CSMD1: variants seen among roughly 807,000 people sequenced by gnomAD.
The protein encoded by CSMD1 is CUB and sushi domain-containing protein 1.
Under a neutral mutation model 417.5 loss-of-function variants are expected in CSMD1, and 213 were observed. That is an observed-to-expected ratio of 0.51 (90% confidence interval 0.46 to 0.57). The LOEUF is 0.57. Among genes scored for constraint, CSMD1 ranks in the 20% least tolerant of loss-of-function variants. The pLI, the probability that CSMD1 is intolerant of heterozygous loss-of-function variation, is 0.00. For synonymous variants in CSMD1, 2,862 were observed against 1,736.8 expected, an observed-to-expected ratio of 1.65 and a Z score of -16.11; for missense variants, 6,923 against 4,529.7, an observed-to-expected ratio of 1.53 and a Z score of -15.17.
In CSMD1 at chr8:3,196,745, G is replaced by A. The variant is rs559200392; in HGVS notation, c.5194+2969C>T. ...ATAATCACTGAAACTTGTTGGTAATGCAGGTCACTCATCTCAGTCTCCATA... is the reference window on the plus strand; with the variant it reads ...ATAATCACTGAAACTTGTTGGTAATACAGGTCACTCATCTCAGTCTCCATA... On this transcript the variant is annotated intron_variant, in intron 33 of 69. Coordinates refer to ENST00000635120, the MANE Select transcript of CSMD1 (RefSeq NM_033225.6). Among the ~76,000 whole-genome samples the A allele has an allele frequency of 1.6e-3, 246 of 152,310 alleles. 2 individuals carry two copies. The highest frequency in any genetic ancestry group is 5.6e-3 in the African/African-American group (232 of 41,570).
chr8:4,746,055 A>AC (rs1458039587), intron 1 of CSMD1, among the ~76,000 whole-genome samples: 1 of 152,186 alleles, frequency 6.6e-6, no homozygotes. Flanking sequence ...TATTAAGATA[A>AC]TTTTTGTTAC....
chr8:4,950,010 G>C (rs189796721), intron 1 of CSMD1, among the ~76,000 whole-genome samples: 6 of 152,206 alleles, frequency 3.9e-5, no homozygotes, highest in Middle Eastern at 3.4e-3. Context: ...TATTGATTGA[G>C]ATTAAAGCAA....
intron 7 of CSMD1, among the ~76,000 whole-genome samples, chr8:3,661,792 C>G (rs534993518): frequency 1.3e-5 from 2 of 152,256 alleles, no homozygotes; most frequent in African/African-American, 4.8e-5. Flanking sequence ...CCACCATGAC[C>G]GGCAAACTCC....
At chr8:4,354,256 C>G (rs907855870) in intron 3 of CSMD1, among the ~76,000 whole-genome samples, 31 of 152,262 alleles carry the variant, frequency 2.0e-4, no homozygotes, top group African/African-American at 6.7e-4. Flanking sequence ...CATTGTAGAT[C>G]ACGGTGTTAT....
At chr8:3,738,184 T>G (rs138072886) in intron 6 of CSMD1, among the ~76,000 whole-genome samples, 1 of 152,186 alleles carries the variant, frequency 6.6e-6, no homozygotes, top group Non-Finnish European at 1.5e-5. Context: ...ATCTATACAT[T>G]TAATAAGCAC....
At chr8:3,631,173 G>C (rs574731452) in intron 7 of CSMD1, among the ~76,000 whole-genome samples, 2 of 152,148 alleles carry the variant, frequency 1.3e-5, no homozygotes, top group South Asian at 4.1e-4. Context: ...TAAACCGGCA[G>C]GACTCCTTCC....
chr8:3,535,660 A>G (rs7828505), intron 10 of CSMD1, among the ~76,000 whole-genome samples: 5,193 of 152,286 alleles, frequency 0.034, 192 homozygotes, highest in East Asian at 0.13. Flanking sequence ...CTTAACCACT[A>G]CAAAATCTAT....
At chr8:3,288,215 T>C (rs1465774363) in intron 25 of CSMD1, among the ~76,000 whole-genome samples, 3 of 147,484 alleles carry the variant, frequency 2.0e-5, no homozygotes, top group Non-Finnish European at 4.4e-5. Context: ...CAGTATTTTA[T>C]TGAGGATTTT....
At chr8:4,374,408 A>G (rs1802587604) in intron 3 of CSMD1, among the ~76,000 whole-genome samples, 1 of 152,200 alleles carries the variant, frequency 6.6e-6, no homozygotes, top group Admixed American at 6.5e-5. Flanking sequence ...TAGGGGCTGA[A>G]GGCACCTGAA....
rs888285034 is a variant in CSMD1 at position 4,922,716 on chromosome 8, T to C, written c.85+71616A>G. On this transcript the variant is annotated intron_variant, in intron 1 of 69. Transcript: ENST00000635120. Reference sequence around the variant, plus strand: ...CTTCAGATGACAGACCAGCCCATTATATGCATTCTGTGTTCTCACGCCCCT... The same window carrying C: ...CTTCAGATGACAGACCAGCCCATTACATGCATTCTGTGTTCTCACGCCCCT... 7.9e-5 allele frequency among the ~76,000 whole-genome samples: 12 copies of C among 152,284 alleles called. No individual in the cohort carries two copies. In the South Asian group the frequency reaches 1.0e-3, roughly 13 times the overall value.
At chr8:3,845,758 G>C (rs560583127) in intron 5 of CSMD1, among the ~76,000 whole-genome samples, 4 of 152,006 alleles carry the variant, frequency 2.6e-5, no homozygotes, top group Non-Finnish European at 4.4e-5. Context: ...ACATAGCTCA[G>C]AACATACTTT....
At chr8:3,896,976 T>C (rs1807415428) in intron 5 of CSMD1, among the ~76,000 whole-genome samples, 1 of 152,022 alleles carries the variant, frequency 6.6e-6, no homozygotes, top group Non-Finnish European at 1.5e-5. Context: ...CATGACATCC[T>C]AGATAGCAAT....
chr8:3,100,083 G>C (rs947324295), intron 46 of CSMD1, among the ~76,000 whole-genome samples: 2 of 151,836 alleles, frequency 1.3e-5, no homozygotes, highest in Admixed American at 1.3e-4. Context: ...GTCTCACTCT[G>C]TCACCCAAGC....
intron 2 of CSMD1, among the ~76,000 whole-genome samples, chr8:4,528,652 G>C (rs937068170): frequency 1.3e-5 from 2 of 152,154 alleles, no homozygotes; most frequent in Admixed American, 1.3e-4. Flanking sequence ...ATAGATTGCA[G>C]CAATGGTTTC....
intron 2 of CSMD1, among the ~76,000 whole-genome samples, chr8:4,630,265 TACACACACACAC>T (rs57214957): frequency 9.5e-4 from 141 of 149,046 alleles, no homozygotes; most frequent in East Asian, 4.4e-3. Flanking sequence ...ACACAGCAAA[TACACACACACAC>T]ACACACACAC....
chr8:2,945,201 T>A (rs1802141089), intron 68 of CSMD1, among the ~76,000 whole-genome samples: 1 of 152,224 alleles, frequency 6.6e-6, no homozygotes, highest in Non-Finnish European at 1.5e-5. Context: ...GTTGAGGGTT[T>A]TAAAAATTGT....
intron 10 of CSMD1, among the ~76,000 whole-genome samples, chr8:3,556,097 A>G (rs1037200456): frequency 3.3e-5 from 5 of 152,084 alleles, no homozygotes; most frequent in Non-Finnish European, 7.4e-5. Flanking sequence ...TCCACTAACT[A>G]CATAAGACTC....
intron 7 of CSMD1, among the ~76,000 whole-genome samples, chr8:3,684,700 C>G (rs537232746): frequency 4.0e-5 from 6 of 151,666 alleles, no homozygotes; most frequent in African/African-American, 1.2e-4. Flanking sequence ...CAGGTTCACG[C>G]CATTCTCCTG....
At chr8:3,978,538 T>A (rs111333984) in intron 5 of CSMD1, among the ~76,000 whole-genome samples, 3 of 152,136 alleles carry the variant, frequency 2.0e-5, no homozygotes, top group African/African-American at 7.2e-5. Context: ...TATGTGAGTT[T>A]GGCAAAGGGT....
Sources: allele counts gnomAD v4.1 joint callset (sites outside exome capture counted in the v4.1 genomes callset), GRCh38; gene constraint gnomAD v4.1.1; transcripts MANE v1.5; gene names NCBI Gene and HGNC (gene_info 2026-07-23, HGNC 2026-07-21).